NR6A1: variants seen among roughly 807,000 people sequenced by gnomAD.
NR6A1 encodes the protein retinoic acid receptor-related testis-associated receptor.
Under a neutral mutation model 59.1 loss-of-function variants are expected in NR6A1, and 7 were observed. The ratio of observed to expected loss-of-function variants is 0.12; its 90% CI spans 0.07 to 0.22. NR6A1 has a LOEUF of 0.22. Among genes scored for constraint, NR6A1 ranks in the 10% least tolerant of loss-of-function variants. The pLI is 1.00. For missense variants in NR6A1, 468 were observed against 611.6 expected (o/e 0.77, Z 2.48); for synonymous variants, 243 against 236.1 (o/e 1.03, Z -0.27).
At chr9:124,595,458 G>A (rs1835245835) in intron 2 of NR6A1, among the ~76,000 whole-genome samples, 1 of 152,134 alleles carries the variant, frequency 6.6e-6, no homozygotes, top group African/African-American at 2.4e-5. Context: ...TCTATGTACT[G>A]ACACGTATAT....
chr9:124,637,191 G>T (rs1177563689), intron 2 of NR6A1, among the ~76,000 whole-genome samples: 1 of 152,148 alleles, frequency 6.6e-6, no homozygotes, highest in East Asian at 1.9e-4. Flanking sequence ...GTGCATTCTA[G>T]ACCGACACAG....
Position 124,745,979 on chromosome 9 carries a change from C to T in NR6A1, c.101-12630G>A, listed in dbSNP as rs188033048. On this transcript the variant is annotated intron_variant, in intron 1 of 9. Transcript: ENST00000487099. The stretch of plus-strand genomic sequence containing the variant: ...CTCCAGCCTGGGCGACAGAGCCAGA[C>T]TCTGTCTCAAAAAAAAAAAAAAAAA... Among the ~76,000 whole-genome samples, 418 of 129,570 alleles carry T rather than the reference C, an allele frequency of 3.2e-3. 20 individuals carry two copies. Among genetic ancestry groups the T allele is most frequent in the Admixed American group, 0.03 (381 of 12,748 alleles). 85.0% of individuals were successfully genotyped at this position (129,570 alleles called of 152,430 possible).
intron 1 of NR6A1, among the ~76,000 whole-genome samples, chr9:124,744,391 A>G (rs1840263706): frequency 6.6e-6 from 1 of 152,236 alleles, no homozygotes; most frequent in Admixed American, 6.5e-5. Flanking sequence ...TCTTACTGAA[A>G]AATAGCTACT....
chr9:124,662,542 G>A (rs1837474777), intron 2 of NR6A1, among the ~76,000 whole-genome samples: 1 of 152,108 alleles, frequency 6.6e-6, no homozygotes, highest in Admixed American at 6.5e-5. Flanking sequence ...AAAAAGAGTA[G>A]CTATTATTAT....
intron 1 of NR6A1, among the ~76,000 whole-genome samples, chr9:124,733,771 T>C (rs765901349): frequency 6.6e-6 from 1 of 152,358 alleles, no homozygotes; most frequent in Middle Eastern, 3.4e-3. Flanking sequence ...AAGCAAAGTA[T>C]GTAAAATATT....
chr9:124,763,885 G>T (rs1021575461), intron 1 of NR6A1, among the ~76,000 whole-genome samples: 3 of 152,198 alleles, frequency 2.0e-5, no homozygotes, highest in African/African-American at 7.2e-5. Flanking sequence ...AATAAAACTA[G>T]TTTTAAAAAT....
chr9:124,625,274 A>T (rs1158672566), intron 2 of NR6A1, among the ~76,000 whole-genome samples: 2 of 152,302 alleles, frequency 1.3e-5, no homozygotes, highest in African/African-American at 4.8e-5. Context: ...ACCTCACAAG[A>T]GCTGCTGTGA....
chr9:124,676,485 G>T (rs1837965670), intron 2 of NR6A1, among the ~76,000 whole-genome samples: 1 of 151,962 alleles, frequency 6.6e-6, no homozygotes, highest in East Asian at 1.9e-4. Flanking sequence ...ATGCCACAGG[G>T]AAATAAATAT....
At chr9:124,757,574 A>G (rs1185674178) in intron 1 of NR6A1, among the ~76,000 whole-genome samples, 1 of 152,128 alleles carries the variant, frequency 6.6e-6, no homozygotes, top group Admixed American at 6.6e-5. Context: ...CTCTTCAGTA[A>G]CCATGCATTA....
At chr9:124,533,924 C>G (rs1833173230) in intron 7 of NR6A1, among the ~76,000 whole-genome samples, 1 of 151,702 alleles carries the variant, frequency 6.6e-6, no homozygotes, top group Non-Finnish European at 1.5e-5. Flanking sequence ...GATGGGATTA[C>G]AGGGGTGAGC....
At chr9:124,686,546 A>C (rs192676430) in intron 2 of NR6A1, among the ~76,000 whole-genome samples, 211 of 152,290 alleles carry the variant, frequency 1.4e-3, no homozygotes, top group African/African-American at 4.9e-3. Flanking sequence ...AGAGTAACTC[A>C]GAAGAGTTTT....
At chr9:124,576,179 T>A (rs1334901739) in intron 2 of NR6A1, among the ~76,000 whole-genome samples, 2 of 152,256 alleles carry the variant, frequency 1.3e-5, no homozygotes, top group Non-Finnish European at 2.9e-5. Flanking sequence ...AACCAACATT[T>A]ACTTACTGAG....
chr9:124,578,785 G>T (rs1402616664), intron 2 of NR6A1, among the ~76,000 whole-genome samples: 1 of 152,104 alleles, frequency 6.6e-6, no homozygotes, highest in Non-Finnish European at 1.5e-5. Context: ...CCTACATATA[G>T]CCCTATATCA....
At chr9:124,624,173 T>C (rs911065130) in intron 2 of NR6A1, among the ~76,000 whole-genome samples, 5 of 152,276 alleles carry the variant, frequency 3.3e-5, no homozygotes, top group Admixed American at 6.5e-5. Context: ...TTCAAAGGTA[T>C]GGTGACTCAC....
At chr9:124,579,256 A>C (rs963601500) in intron 2 of NR6A1, among the ~76,000 whole-genome samples, 5 of 149,630 alleles carry the variant, frequency 3.3e-5, no homozygotes, top group African/African-American at 1.2e-4. Flanking sequence ...GTCCCTACAA[A>C]AAATTTAAAA....
At chr9:124,737,555 C>CA (rs1840049487) in intron 1 of NR6A1, among the ~76,000 whole-genome samples, 1 of 152,206 alleles carries the variant, frequency 6.6e-6, no homozygotes, top group African/African-American at 2.4e-5. Context: ...CAAAGGCAAT[C>CA]AGAGTTGTTC....
At chr9:124,742,396 T>C (rs1840196563) in intron 1 of NR6A1, among the ~76,000 whole-genome samples, 1 of 151,694 alleles carries the variant, frequency 6.6e-6, no homozygotes, top group Non-Finnish European at 1.5e-5. Flanking sequence ...ACCCCGTCTC[T>C]ACTAAAAATA....
chr9:124,665,559 C>G (rs1035466628), intron 2 of NR6A1, among the ~76,000 whole-genome samples: 1 of 152,166 alleles, frequency 6.6e-6, no homozygotes, highest in African/African-American at 2.4e-5. Context: ...TAAAGCGAGT[C>G]TGGGTATGAA....
chr9:124,756,269 T>G (rs984293904), intron 1 of NR6A1, among the ~76,000 whole-genome samples: 2 of 152,208 alleles, frequency 1.3e-5, no homozygotes, highest in Non-Finnish European at 2.9e-5. Context: ...TTGAGGAGGT[T>G]TGTACCCGCT....
Sources: gnomAD v4.1 joint callset for allele counts (sites outside exome capture counted in the v4.1 genomes callset) on GRCh38, gnomAD v4.1.1 for gene constraint, MANE v1.5 for transcripts, NCBI Gene and HGNC (gene_info 2026-07-23, HGNC 2026-07-21) for gene names.